The following LRRC4C variants were observed in gnomAD, a reference collection of about 807,000 sequenced individuals.
LRRC4C encodes the protein leucine-rich repeat-containing protein 4C.
Under a neutral mutation model 33.6 loss-of-function variants are expected in LRRC4C, and 5 were observed. The observed-to-expected ratio is 0.15, with a 90% confidence interval of 0.08 to 0.31. LRRC4C has a LOEUF of 0.31. Ranked by LOEUF, LRRC4C falls within the 10% of genes least tolerant of loss-of-function variation. The probability of loss-of-function intolerance (pLI) is 1.00; values close to 1 mark genes in which losing one functional copy is unlikely to be tolerated. For synonymous variants in LRRC4C, 329 were observed against 302.0 expected (o/e 1.09, Z -0.93); for missense variants, 560 against 796.7 (o/e 0.70, Z 3.58).
chr11:40,463,126 G>T (rs908699567), intron 3 of LRRC4C, among the ~76,000 whole-genome samples: 16 of 152,234 alleles, frequency 1.1e-4, no homozygotes, highest in African/African-American at 3.6e-4. Context: ...AGCCAAGAGT[G>T]TGATAAATTC....
At chr11:41,194,674 T>A (rs1351068733) in intron 1 of LRRC4C, among the ~76,000 whole-genome samples, 1 of 152,040 alleles carries the variant, frequency 6.6e-6, no homozygotes, top group East Asian at 1.9e-4. Context: ...CCAAAAAACA[T>A]GTGAGCTTAG....
chr11:41,005,128 A>G (rs1352752390), intron 1 of LRRC4C, among the ~76,000 whole-genome samples: 1 of 152,168 alleles, frequency 6.6e-6, no homozygotes, highest in Admixed American at 6.5e-5. Flanking sequence ...ATAGATTCAC[A>G]TGCACATCAT....
chr11:40,388,108 T>C (rs530732898), intron 3 of LRRC4C, among the ~76,000 whole-genome samples: 1 of 152,278 alleles, frequency 6.6e-6, no homozygotes, highest in African/African-American at 2.4e-5. Flanking sequence ...ACAAACTATC[T>C]GCTTCTACCT....
intron 3 of LRRC4C, among the ~76,000 whole-genome samples, chr11:40,490,747 G>A (rs1439083221): frequency 6.6e-6 from 1 of 152,056 alleles, no homozygotes; most frequent in Non-Finnish European, 1.5e-5. Context: ...TTAAGTAAAG[G>A]ATGTTCTTTA....
intron 5 of LRRC4C, among the ~76,000 whole-genome samples, chr11:40,165,370 G>A (rs1446197357): frequency 6.6e-6 from 1 of 152,054 alleles, no homozygotes; most frequent in Non-Finnish European, 1.5e-5. Context: ...TATATGAGTG[G>A]CAGAGTGTGT....
intron 5 of LRRC4C, among the ~76,000 whole-genome samples, chr11:40,182,939 G>T (rs1383637821): frequency 6.6e-6 from 1 of 152,030 alleles, no homozygotes; most frequent in African/African-American, 2.4e-5. Context: ...TCATTTTATG[G>T]TTTAAAAAAA....
intron 1 of LRRC4C, among the ~76,000 whole-genome samples, chr11:41,151,346 G>A (rs1943990171): frequency 6.6e-6 from 1 of 152,136 alleles, no homozygotes; most frequent in Admixed American, 6.6e-5. Flanking sequence ...GCAGTTTTTA[G>A]GTGGCATGTG....
intron 1 of LRRC4C, among the ~76,000 whole-genome samples, chr11:41,281,695 G>T (rs1461950704): frequency 6.6e-6 from 1 of 152,084 alleles, no homozygotes; most frequent in East Asian, 1.9e-4. Context: ...ATACAATCGG[G>T]GAACTGATAG....
intron 3 of LRRC4C, among the ~76,000 whole-genome samples, chr11:40,512,185 T>C (rs1403635165): frequency 6.6e-6 from 1 of 152,102 alleles, no homozygotes. Flanking sequence ...TCTATCGGTA[T>C]GTAACAAGCA....
chr11:41,095,929 C>A (rs10768664), intron 1 of LRRC4C, among the ~76,000 whole-genome samples: 31,526 of 152,058 alleles, frequency 0.21, 3,874 homozygotes, highest in East Asian at 0.33. Flanking sequence ...TATGTTAACT[C>A]CCGCTGTGCT....
chr11:40,780,726 T>C (rs1950179199), intron 2 of LRRC4C, among the ~76,000 whole-genome samples: 1 of 151,680 alleles, frequency 6.6e-6, no homozygotes, highest in African/African-American at 2.4e-5. Flanking sequence ...TTATAATGTA[T>C]AATAGAGTAA....
chr11:41,134,745 G>A (rs78138271), intron 1 of LRRC4C, among the ~76,000 whole-genome samples: 8,255 of 152,158 alleles, frequency 0.054, 778 homozygotes, highest in African/African-American at 0.19. Context: ...AACTTAACTA[G>A]TTACATGTCC....
Position 40,161,482 on chromosome 11 carries a change from G to A in LRRC4C, c.-95-20629C>T, listed in dbSNP as rs111495090. ...TTGAAAATTAGAGGAGGCCGGGCAC[G>A]GTCGCTCATGCCTGTGATCCTAGCA... On this transcript the variant is annotated intron_variant, in intron 5 of 6. Transcript: ENST00000528697. Among the ~76,000 whole-genome samples the A allele has an allele frequency of 0.013, 1,980 of 152,266 alleles. 72 individuals are homozygous for A. In the East Asian group the frequency reaches 0.13, roughly 10 times the overall value.
At chr11:40,697,529 C>T (rs891379084) in intron 2 of LRRC4C, among the ~76,000 whole-genome samples, 2 of 152,056 alleles carry the variant, frequency 1.3e-5, no homozygotes, top group Admixed American at 1.3e-4. Flanking sequence ...GAAATCTGAA[C>T]ACTTTGAGAT....
intron 3 of LRRC4C, among the ~76,000 whole-genome samples, chr11:40,505,737 T>C (rs1351324467): frequency 6.6e-6 from 1 of 152,066 alleles, no homozygotes; most frequent in Admixed American, 6.6e-5. Flanking sequence ...AGGTTTGGAG[T>C]AAGAAAGTAG....
intron 1 of LRRC4C, among the ~76,000 whole-genome samples, chr11:41,006,802 G>A (rs766194099): frequency 4.6e-5 from 7 of 152,072 alleles, no homozygotes; most frequent in Non-Finnish European, 8.8e-5. Context: ...TATATTCAAT[G>A]TTATCAAACC....
At chr11:40,824,586 T>G (rs1056238119) in intron 2 of LRRC4C, among the ~76,000 whole-genome samples, 3 of 151,938 alleles carry the variant, frequency 2.0e-5, no homozygotes, top group African/African-American at 7.2e-5. Flanking sequence ...CTAACTATTC[T>G]ATTATTACTC....
chr11:41,121,190 T>C (rs1314182423), intron 1 of LRRC4C, among the ~76,000 whole-genome samples: 1 of 152,200 alleles, frequency 6.6e-6, no homozygotes, highest in East Asian at 1.9e-4. Context: ...TTTTCAATTA[T>C]CACTTTTTGG....
intron 2 of LRRC4C, among the ~76,000 whole-genome samples, chr11:40,722,386 G>A (rs1947063616): frequency 6.6e-6 from 1 of 152,060 alleles, no homozygotes; most frequent in Non-Finnish European, 1.5e-5. Flanking sequence ...CTTACGCGCC[G>A]TCTACTGGAC....
Sources: allele counts gnomAD v4.1 joint callset (sites outside exome capture counted in the v4.1 genomes callset), GRCh38; gene constraint gnomAD v4.1.1; transcripts MANE v1.5; gene names NCBI Gene and HGNC (gene_info 2026-07-23, HGNC 2026-07-21).